SORCS2: variants seen among roughly 807,000 people sequenced by gnomAD.
SORCS2 encodes the protein sortilin related VPS10 domain containing receptor 2.
SORCS2 carries 100 observed loss-of-function variants against 141.6 expected under a neutral mutation model. The ratio of observed to expected loss-of-function variants is 0.71; its 90% CI spans 0.60 to 0.83. SORCS2 has a LOEUF of 0.83. Among genes scored for constraint, SORCS2 ranks in the 40% least tolerant of loss-of-function variants. The probability of loss-of-function intolerance (pLI) is 0.00; values close to 1 mark genes in which losing one functional copy is unlikely to be tolerated. For missense variants in SORCS2, 1,646 were observed against 1,560.2 expected (o/e 1.05, Z -0.93); for synonymous variants, 789 against 676.9 (o/e 1.17, Z -2.57).
chr4:7,554,390 C>G (rs1024215215), intron 3 of SORCS2, among the ~76,000 whole-genome samples: 9 of 152,144 alleles, frequency 5.9e-5, no homozygotes, highest in African/African-American at 1.4e-4. Flanking sequence ...TCATGGTATA[C>G]TTGGAGACAC....
At position 7,666,659 on chromosome 4, in the gene SORCS2, G is replaced by A. The variant is rs112111474; in HGVS notation, c.1072-465G>A. ...CAGTCCTGTCCTGACGGGCCTTTCT[G>A]TCTCTGGGAACAGATGCCCATGGCC... On this transcript the variant is annotated intron_variant, in intron 7 of 26. Transcript: ENST00000507866. Among the ~76,000 whole-genome samples the A allele has an allele frequency of 4.9e-3, 751 of 152,298 alleles. 5 individuals carry two copies. The highest frequency in any genetic ancestry group is 0.016 in the African/African-American group (669 of 41,572).
rs1447715941 is a variant in SORCS2, at chr4:7,740,371, A to C, written c.*107A>C. On this transcript the variant is annotated 3_prime_UTR_variant, in exon 27 of 27. Coordinates refer to ENST00000507866, the MANE Select transcript of SORCS2 (RefSeq NM_020777.3). ...AGACCTGCGGAAAGCCCCCTCCCTG[A>C]GTCGTCGCCACACCAGGCGACAGGC... The C allele has an allele frequency of 4.9e-6, 5 of 1,014,242 alleles. No homozygotes were observed. In the South Asian group the frequency reaches 6.9e-5, roughly 14 times the overall value. 62.8% of individuals were successfully genotyped at this position (1,014,242 alleles called of 1,614,324 possible).
At chr4:7,614,899 C>A (rs551531854) in intron 3 of SORCS2, among the ~76,000 whole-genome samples, 1 of 152,108 alleles carries the variant, frequency 6.6e-6, no homozygotes, top group East Asian at 1.9e-4. Flanking sequence ...ATCCACCCAT[C>A]AATCCATTCA....
chr4:7,715,643 A>G (rs1281439474), intron 17 of SORCS2, among the ~76,000 whole-genome samples: 2 of 152,206 alleles, frequency 1.3e-5, no homozygotes, highest in Non-Finnish European at 2.9e-5. Context: ...AAAAGGTCCA[A>G]GGTGCCCATG....
At chr4:7,366,428 T>C (rs564332660) in intron 1 of SORCS2, among the ~76,000 whole-genome samples, 13 of 150,090 alleles carry the variant, frequency 8.7e-5, no homozygotes, top group African/African-American at 3.2e-4. Flanking sequence ...GGCGTTTCCA[T>C]CCCATAGGTC....
At chr4:7,683,150 A>G (rs1723637732) in intron 10 of SORCS2, among the ~76,000 whole-genome samples, 1 of 152,080 alleles carries the variant, frequency 6.6e-6, no homozygotes, top group African/African-American at 2.4e-5. Flanking sequence ...AACAACATTT[A>G]CTCCCCAGAT....
intron 11 of SORCS2, 107 bp from the exon 12 acceptor site, chr4:7,697,091 C>CCGGG (rs2109002678): frequency 1.1e-6 from 1 of 904,148 alleles, no homozygotes; most frequent in South Asian, 1.6e-5. Flanking sequence ...ATATGGAGAC[C>CCGGG]CGGGGCACTG....
intron 3 of SORCS2, among the ~76,000 whole-genome samples, chr4:7,593,680 C>T (rs993014946): frequency 1.8e-4 from 27 of 152,258 alleles, no homozygotes; most frequent in Middle Eastern, 6.8e-3. Context: ...CGGCCCCAGG[C>T]GGGTAATGGG....
intron 2 of SORCS2, among the ~76,000 whole-genome samples, chr4:7,512,018 G>A (rs973362100): frequency 1.3e-5 from 2 of 152,224 alleles, no homozygotes; most frequent in African/African-American, 2.4e-5. Flanking sequence ...CCGCAGGTCT[G>A]TTCCTGCGCA....
At chr4:7,384,332 G>T (rs566374608) in intron 1 of SORCS2, among the ~76,000 whole-genome samples, 44 of 152,202 alleles carry the variant, frequency 2.9e-4, no homozygotes, top group Non-Finnish European at 4.8e-4. Flanking sequence ...CTCAGCATGC[G>T]GCTCAGGACA....
chr4:7,517,602 G>T (rs150061421), intron 2 of SORCS2, among the ~76,000 whole-genome samples: 46 of 152,268 alleles, frequency 3.0e-4, no homozygotes, highest in African/African-American at 1.0e-3. Flanking sequence ...TTATCATTTT[G>T]TTCCAGGACC....
At chr4:7,396,206 C>A in intron 1 of SORCS2, 82 bp from the exon 2 acceptor site, 3 of 1,355,220 alleles carry the variant, frequency 2.2e-6, no homozygotes, top group Non-Finnish European at 3.1e-6. Context: ...CAAATTCTGG[C>A]ACGGAGTGGT....
At chr4:7,528,235 A>G (rs1733822252) in intron 2 of SORCS2, among the ~76,000 whole-genome samples, 1 of 152,158 alleles carries the variant, frequency 6.6e-6, no homozygotes, top group Non-Finnish European at 1.5e-5. Flanking sequence ...GGCCCGTAGT[A>G]TGGGCCTTAA....
intron 1 of SORCS2, among the ~76,000 whole-genome samples, chr4:7,309,228 G>T (rs1166561448): frequency 6.6e-6 from 1 of 152,198 alleles, no homozygotes; most frequent in Non-Finnish European, 1.5e-5. Context: ...CTCCAGAGAG[G>T]TTAAGTGATT....
In SORCS2 at chr4:7,233,679, A is replaced by G. The variant is rs1712064646; in HGVS notation, c.480+40553A>G. 1.3e-5 allele frequency among the ~76,000 whole-genome samples: 2 copies of G among 152,094 alleles called. No individual in the cohort carries two copies. Among genetic ancestry groups the G allele is most frequent in the Non-Finnish European group, 2.9e-5 (2 of 68,018 alleles). On this transcript the variant is annotated intron_variant, in intron 1 of 26. Coordinates refer to ENST00000507866, the MANE Select transcript of SORCS2 (RefSeq NM_020777.3). This position sits in a 1 kb window ranked among gnomAD's most constrained non-coding sequence, Gnocchi z 4.5. The stretch of plus-strand genomic sequence containing the variant: ...TAATACTGGCCTGGTCCCCCGTCTG[A>G]TGCTGCAGGGTGGACTTCTGAGTGT...
chr4:7,414,767 A>G (rs969603329), intron 2 of SORCS2, among the ~76,000 whole-genome samples: 43 of 152,212 alleles, frequency 2.8e-4, no homozygotes, highest in African/African-American at 9.6e-4. Context: ...AATTAGATAT[A>G]GGGTCTATGC....
intron 5 of SORCS2, among the ~76,000 whole-genome samples, chr4:7,661,254 A>G (rs1448143614): frequency 1.8e-5 from 2 of 112,548 alleles, no homozygotes; most frequent in South Asian, 3.1e-4. Flanking sequence ...AGAGACTCCA[A>G]CCCCCTCAGC....
chr4:7,355,837 T>C (rs1373473700), intron 1 of SORCS2, among the ~76,000 whole-genome samples: 1 of 152,256 alleles, frequency 6.6e-6, no homozygotes, highest in African/African-American at 2.4e-5. Context: ...GCTGTGCTGC[T>C]TTTCTGAGTG....
chr4:7,505,309 C>T (rs745948063), intron 2 of SORCS2, among the ~76,000 whole-genome samples: 8 of 152,126 alleles, frequency 5.3e-5, no homozygotes, highest in African/African-American at 1.7e-4. Flanking sequence ...AGGTGGCCGG[C>T]GGGGAGCCAG....
Sources: allele counts gnomAD v4.1 joint callset (sites outside exome capture counted in the v4.1 genomes callset), GRCh38; gene constraint gnomAD v4.1.1; non-coding constraint Gnocchi (gnomAD v3.1); transcripts MANE v1.5; gene names NCBI Gene and HGNC (gene_info 2026-07-23, HGNC 2026-07-21).